Variants in TAFA5 observed in about 807,000 individuals in gnomAD.
TAFA5 encodes the protein chemokine-like protein TAFA-5.
In TAFA5, 6 loss-of-function variants were observed where a neutral mutation model predicts 15.3. The observed-to-expected ratio is 0.39, with a 90% CI of 0.21 to 0.77. TAFA5 has a LOEUF of 0.77. Among genes scored for constraint, TAFA5 ranks in the 30% least tolerant of loss-of-function variants. TAFA5 has a pLI of 0.41. For missense variants in TAFA5, 161 were observed against 193.1 expected, an observed-to-expected ratio of 0.83 and a Z score of 0.98; for synonymous variants, 103 against 80.7, an observed-to-expected ratio of 1.28 and a Z score of -1.48.
chr22:48,712,422 A>G (rs1056810995), intron 3 of TAFA5, among the ~76,000 whole-genome samples: 2 of 152,220 alleles, frequency 1.3e-5, no homozygotes, highest in Non-Finnish European at 2.9e-5. Flanking sequence ...AATTTAATAG[A>G]TCATGACCAG....
At chr22:48,687,653 G>A (rs554807912) in intron 2 of TAFA5, among the ~76,000 whole-genome samples, 64 of 152,196 alleles carry the variant, frequency 4.2e-4, no homozygotes, top group Non-Finnish European at 6.8e-4. Context: ...CTTGTAAACA[G>A]GACCATCCCT....
intron 2 of TAFA5, among the ~76,000 whole-genome samples, chr22:48,653,884 G>C (rs947894236): frequency 4.6e-5 from 5 of 109,656 alleles, no homozygotes; most frequent in African/African-American, 1.5e-4. Flanking sequence ...TGGCAGCTGG[G>C]GTTGGTAGAT....
chr22:48,578,395 A>G (rs1923898614), intron 1 of TAFA5, among the ~76,000 whole-genome samples: 1 of 152,138 alleles, frequency 6.6e-6, no homozygotes, highest in Admixed American at 6.5e-5. Flanking sequence ...CTCCAGGTCT[A>G]AAGGACTCTG....
At chr22:48,680,282 C>A (rs928229931) in intron 2 of TAFA5, among the ~76,000 whole-genome samples, 8 of 152,226 alleles carry the variant, frequency 5.3e-5, no homozygotes, top group African/African-American at 1.9e-4. Context: ...GCGTGTGCGT[C>A]CCACGACCCA....
At chr22:48,719,822 T>A (rs1034656632) in intron 3 of TAFA5, among the ~76,000 whole-genome samples, 2 of 152,218 alleles carry the variant, frequency 1.3e-5, no homozygotes, top group Non-Finnish European at 2.9e-5. Flanking sequence ...AGATTCTGTG[T>A]GTAAACAAAA....
In TAFA5 at chr22:48,523,056, C is replaced by T. The variant is rs556810109; in HGVS notation, c.112+33352C>T. ...CAGGAGACCCAGAGCCCATGGGTCACGGTGGAGGATGGCCAGGCTGGATGG... is the reference window on the plus strand; with the variant it reads ...CAGGAGACCCAGAGCCCATGGGTCATGGTGGAGGATGGCCAGGCTGGATGG... On this transcript the variant is annotated intron_variant, in intron 1 of 3. Transcript: ENST00000402357. Among the ~76,000 whole-genome samples the T allele has an allele frequency of 9.8e-5, 15 of 152,310 alleles. No individual in the cohort carries two copies. The South Asian group carries it at 1.0e-3, about 11-fold the overall frequency.
intron 1 of TAFA5, among the ~76,000 whole-genome samples, chr22:48,534,279 T>C (rs713932): frequency 6.7e-6 from 1 of 149,452 alleles, no homozygotes; most frequent in Non-Finnish European, 1.5e-5. Flanking sequence ...GATCAGGCAA[T>C]TGCGGTGGGT....
intron 1 of TAFA5, among the ~76,000 whole-genome samples, chr22:48,625,657 C>G (rs1926003469): frequency 6.6e-6 from 1 of 152,204 alleles, no homozygotes; most frequent in African/African-American, 2.4e-5. Context: ...CACAGATGCT[C>G]CTAACGCCAG....
chr22:48,723,119 C>T (rs756110768), intron 3 of TAFA5, among the ~76,000 whole-genome samples: 19 of 152,240 alleles, frequency 1.2e-4, no homozygotes, highest in Non-Finnish European at 2.6e-4. Flanking sequence ...CTGTGTGTGC[C>T]GTCTTCTTGG....
intron 1 of TAFA5, among the ~76,000 whole-genome samples, chr22:48,645,582 C>T (rs1461923249): frequency 6.6e-6 from 1 of 152,018 alleles, no homozygotes; most frequent in African/African-American, 2.4e-5. Flanking sequence ...CTGACTCTGC[C>T]CCCGGGGTCC....
At chr22:48,737,615 C>T (rs920659757) in intron 3 of TAFA5, among the ~76,000 whole-genome samples, 5 of 152,168 alleles carry the variant, frequency 3.3e-5, no homozygotes, top group South Asian at 2.1e-4. Context: ...TGGCACAGCA[C>T]GGAAGGGGAA....
Position 48,646,616 on chromosome 22 carries a change from C to G in TAFA5, c.132C>G (p.Thr44=), listed in dbSNP as rs775633662. 6.2e-7 allele frequency: 1 copy of G among 1,612,466 alleles called. No individual in the cohort carries two copies. Among genetic ancestry groups the G allele is most frequent in the Non-Finnish European group, 8.5e-7 (1 of 1,179,734 alleles). ...IAYCSQLAAG[T]CEIVTLDRDS... The stretch of plus-strand genomic sequence containing the variant: ...CTGCAGGTCAGCTGGCCGCCGGCAC[C>G]TGTGAGATTGTGACCTTGGACCGGG... Residue 44 remains threonine, a synonymous_variant, in exon 2 of 4, where the codon ACC becomes ACG. Transcript: ENST00000402357.
chr22:48,588,470 GA>G, intron 1 of TAFA5, among the ~76,000 whole-genome samples: 1 of 152,326 alleles, frequency 6.6e-6, no homozygotes, highest in South Asian at 2.1e-4. Flanking sequence ...CTCGCAGTGG[GA>G]GGGGTCCTGC....
At chr22:48,727,947 TAAATTATATGATCAGAAAC>T (rs1453250613) in intron 3 of TAFA5, among the ~76,000 whole-genome samples, 1 of 152,168 alleles carries the variant, frequency 6.6e-6, no homozygotes, top group African/African-American at 2.4e-5. Flanking sequence ...CAATTACAAA[TAAATTATATGATCAGAAAC>T]AATTTTTAGC....
At chr22:48,576,778 G>A (rs1402814454) in intron 1 of TAFA5, among the ~76,000 whole-genome samples, 1 of 151,528 alleles carries the variant, frequency 6.6e-6, no homozygotes, top group African/African-American at 2.4e-5. Context: ...CGCCCATCGG[G>A]GCTCACCGGC....
At chr22:48,575,375 C>A (rs966541015) in intron 1 of TAFA5, among the ~76,000 whole-genome samples, 5 of 149,042 alleles carry the variant, frequency 3.4e-5, no homozygotes, top group African/African-American at 1.2e-4. Context: ...GGCTCCGCGG[C>A]CGGGAGGAGC....
intron 1 of TAFA5, among the ~76,000 whole-genome samples, chr22:48,510,938 T>C (rs1921187960): frequency 6.6e-6 from 1 of 152,242 alleles, no homozygotes; most frequent in South Asian, 2.1e-4. Context: ...AGTCCATCTT[T>C]GGAAGATTTC....
At chr22:48,508,108 C>T (rs1382465402) in intron 1 of TAFA5, among the ~76,000 whole-genome samples, 1 of 152,172 alleles carries the variant, frequency 6.6e-6, no homozygotes, top group East Asian at 1.9e-4. Flanking sequence ...TGAGGCAGAG[C>T]CAGTACGTGG....
At chr22:48,593,543 G>C (rs1924652067) in intron 1 of TAFA5, among the ~76,000 whole-genome samples, 1 of 152,170 alleles carries the variant, frequency 6.6e-6, no homozygotes, top group South Asian at 2.1e-4. Context: ...CTGCTGGGTT[G>C]AGGAGGGCTA....
Sources: gnomAD v4.1 joint callset for allele counts (sites outside exome capture counted in the v4.1 genomes callset) on GRCh38, gnomAD v4.1.1 for gene constraint, MANE v1.5 for transcripts, NCBI Gene and HGNC (gene_info 2026-07-23, HGNC 2026-07-21) for gene names.